The following AUTS2 variants were observed in gnomAD, a reference collection of about 807,000 sequenced individuals.
AUTS2 encodes autism susceptibility gene 2 protein.
AUTS2 carries 17 observed loss-of-function variants against 112.4 expected under a neutral mutation model. The ratio of observed to expected loss-of-function variants is 0.15; its 90% CI spans 0.10 to 0.23. The LOEUF (loss-of-function observed/expected upper bound fraction) is 0.23, where lower values mean the gene tolerates loss of function less well. Among genes scored for constraint, AUTS2 ranks in the 10% least tolerant of loss-of-function variants. The pLI is 1.00. For missense variants in AUTS2, 1,510 were observed against 1,701.6 expected, an observed-to-expected ratio of 0.89 and a Z score of 1.98; for synonymous variants, 751 against 702.7, an observed-to-expected ratio of 1.07 and a Z score of -1.09.
At chr7:70,736,622 A>G (rs73181096) in intron 6 of AUTS2, among the ~76,000 whole-genome samples, 20,560 of 152,116 alleles carry the variant, frequency 0.14, 1,861 homozygotes, top group East Asian at 0.38. Flanking sequence ...CCATCCAAAG[A>G]GGGATTTCTT....
At chr7:69,901,705 C>G (rs1363753149) in intron 2 of AUTS2, among the ~76,000 whole-genome samples, 3 of 152,150 alleles carry the variant, frequency 2.0e-5, no homozygotes, top group Non-Finnish European at 4.4e-5. Context: ...ATTTTCTTAC[C>G]TTCAGTGTTG....
At chr7:70,296,641 G>A (rs73434804) in intron 4 of AUTS2, among the ~76,000 whole-genome samples, 2,098 of 152,128 alleles carry the variant, frequency 0.014, 65 homozygotes, top group African/African-American at 0.048. Context: ...CTATTATTGT[G>A]TGTGTAACTT....
At chr7:70,054,372 T>G (rs1224415255) in intron 2 of AUTS2, among the ~76,000 whole-genome samples, 1 of 152,168 alleles carries the variant, frequency 6.6e-6, no homozygotes, top group African/African-American at 2.4e-5. Flanking sequence ...TCTCCTTGCT[T>G]CTTTGCTTTC....
At chr7:70,682,830 G>T (rs1482546040) in intron 5 of AUTS2, among the ~76,000 whole-genome samples, 1 of 152,248 alleles carries the variant, frequency 6.6e-6, no homozygotes, top group Non-Finnish European at 1.5e-5. Flanking sequence ...TTCTTCACGT[G>T]GCTGGCAAGT....
chr7:70,176,990 C>A (rs1397872269), intron 4 of AUTS2, among the ~76,000 whole-genome samples: 1 of 152,152 alleles, frequency 6.6e-6, no homozygotes, highest in Non-Finnish European at 1.5e-5. Flanking sequence ...AGTTACAGAA[C>A]AAGAAGTATC....
At chr7:69,655,381 G>GTTT (rs1180178846) in intron 1 of AUTS2, among the ~76,000 whole-genome samples, 2 of 85,022 alleles carry the variant, frequency 2.4e-5, no homozygotes. Flanking sequence ...TGACTTTCTA[G>GTTT]TTTTTTGTTG....
chr7:69,796,266 C>T (rs532864597), intron 1 of AUTS2, among the ~76,000 whole-genome samples: 65 of 152,210 alleles, frequency 4.3e-4, no homozygotes, highest in Non-Finnish European at 8.4e-4. Flanking sequence ...TCCTGTAATC[C>T]CAACACTTTG....
intron 1 of AUTS2, among the ~76,000 whole-genome samples, chr7:69,873,752 A>G (rs1020486504): frequency 1.3e-5 from 2 of 152,228 alleles, no homozygotes; most frequent in Admixed American, 1.3e-4. Context: ...TACCATGCCC[A>G]ACTTCTCACC....
At chr7:70,646,420 G>A (rs1315639514) in intron 5 of AUTS2, among the ~76,000 whole-genome samples, 1 of 152,158 alleles carries the variant, frequency 6.6e-6, no homozygotes, top group African/African-American at 2.4e-5. Context: ...CATCCACTAA[G>A]GTCAGCCGTC....
At chr7:70,598,094 C>T (rs535286662) in intron 5 of AUTS2, among the ~76,000 whole-genome samples, 56 of 152,284 alleles carry the variant, frequency 3.7e-4, no homozygotes, top group African/African-American at 1.3e-3. Flanking sequence ...AAGCAGGTAT[C>T]GAAAGACGTT....
chr7:70,731,260 A>G (rs1049068214), intron 6 of AUTS2, among the ~76,000 whole-genome samples: 13 of 150,652 alleles, frequency 8.6e-5, no homozygotes, highest in Non-Finnish European at 1.9e-4. Flanking sequence ...AAGACTGATC[A>G]CTCATTTTAT....
chr7:70,680,119 A>C (rs1273286421), intron 5 of AUTS2, among the ~76,000 whole-genome samples: 2 of 152,128 alleles, frequency 1.3e-5, no homozygotes, highest in African/African-American at 4.8e-5. Context: ...AGTGGGGAGG[A>C]GGGTGGAAGC....
chr7:70,301,637 A>C (rs1435914449), intron 4 of AUTS2, among the ~76,000 whole-genome samples: 1 of 152,122 alleles, frequency 6.6e-6, no homozygotes, highest in Non-Finnish European at 1.5e-5. Flanking sequence ...ATAACAAATA[A>C]CTTTCCAGTC....
chr7:69,675,544 T>C (rs977325315), intron 1 of AUTS2, among the ~76,000 whole-genome samples: 1 of 147,280 alleles, frequency 6.8e-6, no homozygotes, highest in African/African-American at 2.6e-5. Context: ...AGTCTTGCTC[T>C]GTATCCCAGG....
chr7:69,701,988 G>T (rs1351363430), intron 1 of AUTS2, among the ~76,000 whole-genome samples: 1 of 152,158 alleles, frequency 6.6e-6, no homozygotes, highest in Non-Finnish European at 1.5e-5. Context: ...TTGTCCCTAG[G>T]TTCAGATCAC....
At chr7:70,368,930 C>T (rs746518038) in intron 4 of AUTS2, among the ~76,000 whole-genome samples, 2 of 151,806 alleles carry the variant, frequency 1.3e-5, no homozygotes, top group African/African-American at 2.4e-5. Context: ...AATAATTAAA[C>T]GGGAACATAG....
At chr7:70,400,200 G>A (rs1232298658) in intron 4 of AUTS2, among the ~76,000 whole-genome samples, 2 of 152,210 alleles carry the variant, frequency 1.3e-5, no homozygotes, top group Non-Finnish European at 2.9e-5. Context: ...GCCTGGGTTT[G>A]AATAGCAATG....
chr7:70,600,965 G>A (rs941366162), intron 5 of AUTS2, among the ~76,000 whole-genome samples: 2 of 152,166 alleles, frequency 1.3e-5, no homozygotes, highest in African/African-American at 4.8e-5. Context: ...TGGTTATTGT[G>A]AATAATGCTG....
chr7:70,696,099 G>T (rs1287287953), intron 5 of AUTS2, among the ~76,000 whole-genome samples: 1 of 152,182 alleles, frequency 6.6e-6, no homozygotes, highest in African/African-American at 2.4e-5. Flanking sequence ...CAACGAAAAT[G>T]ATAAACATCC....
Sources: gnomAD v4.1 joint callset for allele counts (sites outside exome capture counted in the v4.1 genomes callset) on GRCh38, gnomAD v4.1.1 for gene constraint, MANE v1.5 for transcripts, NCBI Gene and HGNC (gene_info 2026-07-23, HGNC 2026-07-21) for gene names.